DST: variants seen among roughly 807,000 people sequenced by gnomAD.
DST encodes the protein dystonin.
DST carries 253 observed loss-of-function variants against 875.2 expected under a neutral mutation model. That is an observed-to-expected ratio of 0.29 (90% confidence interval 0.26 to 0.32). The LOEUF (loss-of-function observed/expected upper bound fraction) is 0.32, where lower values mean the gene tolerates loss of function less well. Ranked by LOEUF, DST falls within the 10% of genes least tolerant of loss-of-function variation. The pLI, the probability that DST is intolerant of heterozygous loss-of-function variation, is 1.00. For missense variants in DST, 8,287 were observed against 9,111.6 expected, an observed-to-expected ratio of 0.91 and a Z score of 3.68; for synonymous variants, 3,124 against 3,197.1, an observed-to-expected ratio of 0.98 and a Z score of 0.77.
intron 4 of DST, among the ~76,000 whole-genome samples, chr6:56,779,862 C>T (rs1006162128): frequency 7.0e-6 from 1 of 142,278 alleles, no homozygotes; most frequent in Non-Finnish European, 1.5e-5. Flanking sequence ...TCTCCTAATG[C>T]TATCCCTCCC....
intron 3 of DST, among the ~76,000 whole-genome samples, chr6:56,866,853 T>G (rs1418883075): frequency 6.6e-6 from 1 of 152,206 alleles, no homozygotes; most frequent in East Asian, 1.9e-4. Context: ...GTAAAAGAAT[T>G]TTGCAAAAGC....
At chr6:56,603,145 C>G (rs904714037) in intron 42 of DST, 60 bp downstream of exon 42, 44 of 1,553,146 alleles carry the variant, frequency 2.8e-5, no homozygotes, top group Non-Finnish European at 3.8e-5. Context: ...CAGCTTATGA[C>G]TAAATCCTCA....
intron 4 of DST, among the ~76,000 whole-genome samples, chr6:56,818,935 G>A (rs1379867669): frequency 6.6e-6 from 1 of 152,084 alleles, no homozygotes; most frequent in Non-Finnish European, 1.5e-5. Context: ...TATACACTTA[G>A]CACTGGGTCT....
At chr6:56,661,183 T>C (rs974683307) in intron 10 of DST, among the ~76,000 whole-genome samples, 3 of 152,140 alleles carry the variant, frequency 2.0e-5, no homozygotes, top group Middle Eastern at 3.2e-3. Flanking sequence ...ATTTTTATTA[T>C]GGTAGAAAAC....
chr6:56,850,746 T>C (rs1159176527), intron 4 of DST, among the ~76,000 whole-genome samples: 1 of 152,246 alleles, frequency 6.6e-6, no homozygotes, highest in Non-Finnish European at 1.5e-5. Flanking sequence ...CCATCACTTC[T>C]GGTTCAGCTT....
chr6:56,675,505 A>T (rs1436508257), intron 9 of DST, among the ~76,000 whole-genome samples: 1 of 152,236 alleles, frequency 6.6e-6, no homozygotes, highest in Non-Finnish European at 1.5e-5. Context: ...CATTCATCTT[A>T]TAACGAGTTA....
At chr6:56,466,450 A>G (rs1027980027) in intron 98 of DST, 2 of 290,036 alleles carry the variant, frequency 6.9e-6, no homozygotes, top group African/African-American at 4.3e-5. Flanking sequence ...TTTGGTCTAA[A>G]AATTATTTTT....
intron 55 of DST, 39 bp downstream of exon 55, chr6:56,568,430 A>T (rs890784811): frequency 1.3e-6 from 2 of 1,574,702 alleles, no homozygotes; most frequent in Admixed American, 4.1e-5. Context: ...AGTAAACCTG[A>T]TTCTTAGTTT....
intron 47 of DST, 136 bp downstream of exon 47, chr6:56,597,604 T>C: frequency 1.2e-6 from 1 of 806,974 alleles, no homozygotes; most frequent in African/African-American, 1.7e-5. Flanking sequence ...CATAATAATT[T>C]ATATCTGACA....
intron 4 of DST, among the ~76,000 whole-genome samples, chr6:56,759,260 C>G (rs767608856): frequency 6.6e-6 from 1 of 152,036 alleles, no homozygotes; most frequent in African/African-American, 2.4e-5. Context: ...AGAGCCTGGC[C>G]AACATGGTGA....
chr6:56,812,523 A>T (rs1027692058), intron 4 of DST, among the ~76,000 whole-genome samples: 1 of 152,226 alleles, frequency 6.6e-6, no homozygotes, highest in Non-Finnish European at 1.5e-5. Context: ...AATATTTCAA[A>T]TGAGAGATCT....
At position 56,482,061 on chromosome 6, in the gene DST, C is replaced by A; in HGVS notation, c.21520G>T (p.Asp7174Tyr). 6.2e-7 allele frequency: 1 copy of A among 1,613,592 alleles called. No individual in the cohort carries two copies. Among genetic ancestry groups the A allele is most frequent in the African/African-American group, 1.3e-5 (1 of 74,984 alleles). The change falls in exon 90 of 104, where the codon GAT (aspartate) becomes TAT (tyrosine). Residue 7174 changes from aspartate to tyrosine, a missense_variant. Asp to Tyr is a radical substitution (Grantham distance 160). Coordinates refer to ENST00000680361, the MANE Select transcript of DST (RefSeq NM_001374736.1). ...DDEDALRTLI[D>Y]QHKEFMKKLE... ...TATATATTACTCACTTTATGCTGAT[C>A]AATGAGAGTCCGGAGAGCATCCTCA...
chr6:56,726,411 AACCT>A (rs2099458441), intron 5 of DST, among the ~76,000 whole-genome samples: 1 of 152,248 alleles, frequency 6.6e-6, no homozygotes, highest in African/African-American at 2.4e-5. Context: ...CCTTCAAAGA[AACCT>A]GGCTACATCT....
chr6:56,923,789 T>C (rs890622860), intron 2 of DST, among the ~76,000 whole-genome samples: 1 of 152,180 alleles, frequency 6.6e-6, no homozygotes, highest in African/African-American at 2.4e-5. Flanking sequence ...GAAGGCAGTC[T>C]ACTCAAATCC....
chr6:56,867,960 G>C (rs1183504095), intron 3 of DST, among the ~76,000 whole-genome samples: 1 of 152,196 alleles, frequency 6.6e-6, no homozygotes, highest in African/African-American at 2.4e-5. Context: ...TGTGCCTGGA[G>C]TCATGGTGAT....
Position 56,561,533 on chromosome 6 carries a change from T to C in DST, c.14085A>G (p.Lys4695=), listed in dbSNP as rs1377938273. The C allele has an allele frequency of 6.2e-7, 1 of 1,612,840 alleles. No homozygotes were observed. The highest frequency in any genetic ancestry group is 2.2e-5 in the East Asian group (1 of 44,862). The change falls in exon 57 of 104, where the codon AAA becomes AAG. Residue 4695 remains lysine (K), a synonymous_variant. Coordinates refer to ENST00000680361, the MANE Select transcript of DST (RefSeq NM_001374736.1). The part of the protein sequence containing the change: ...FWANKGLTSI[K]KDMTDISHGY... ...CATGACTTATGTCAGTCATGTCCTT[T>C]TTAATGGATGTTAAACCTAGGAGTA...
intron 26 of DST, 37 bp downstream of exon 26, chr6:56,634,425 A>C: frequency 6.2e-7 from 1 of 1,612,388 alleles, no homozygotes. Context: ...GAGGGCCCCC[A>C]AAACTAGCTC....
chr6:56,824,565 G>A (rs2099777217), intron 4 of DST, among the ~76,000 whole-genome samples: 1 of 151,702 alleles, frequency 6.6e-6, no homozygotes, highest in African/African-American at 2.4e-5. Context: ...AATGAGGAGC[G>A]TCTCTGCCCG....
chr6:56,953,764 C>T (rs1298712200), intron 2 of DST, 21 bp downstream of exon 2: 1 of 1,310,692 alleles, frequency 7.6e-7, no homozygotes, highest in Non-Finnish European at 1.0e-6. Context: ...TGACCTTGAG[C>T]GTGCGCGCTA....
Sources: allele counts gnomAD v4.1 joint callset (sites outside exome capture counted in the v4.1 genomes callset), GRCh38; gene constraint gnomAD v4.1.1; transcripts MANE v1.5; gene names NCBI Gene and HGNC (gene_info 2026-07-23, HGNC 2026-07-21).